PDE4D: variants seen among roughly 807,000 people sequenced by gnomAD.
PDE4D encodes the protein 3',5'-cyclic-AMP phosphodiesterase 4D.
A neutral mutation model predicts 87.4 loss-of-function variants in PDE4D; 24 were observed. The observed-to-expected ratio is 0.27, with a 90% confidence interval of 0.20 to 0.39. The LOEUF is 0.39. PDE4D is among the 10% of genes least tolerant of loss of function. The probability of loss-of-function intolerance (pLI) is 1.00; values close to 1 mark genes in which losing one functional copy is unlikely to be tolerated. For missense variants in PDE4D, 714 were observed against 1,041.0 expected, an observed-to-expected ratio of 0.69 and a Z score of 4.32; for synonymous variants, 384 against 383.2, an observed-to-expected ratio of 1.00 and a Z score of -0.02.
At chr5:59,393,196 C>T (rs548887336) in intron 1 of PDE4D, among the ~76,000 whole-genome samples, 24 of 152,030 alleles carry the variant, frequency 1.6e-4, no homozygotes, top group African/African-American at 5.8e-4. Flanking sequence ...TGAGTGAACC[C>T]AAGCAGAGTT....
intron 1 of PDE4D, among the ~76,000 whole-genome samples, chr5:59,279,667 C>A (rs1184855176): frequency 6.6e-6 from 1 of 152,044 alleles, no homozygotes; most frequent in Non-Finnish European, 1.5e-5. Flanking sequence ...ATCACAACAT[C>A]CCTCCAAAGT....
At chr5:60,071,288 T>C (rs985962779) in intron 2 of PDE4D, among the ~76,000 whole-genome samples, 1 of 152,024 alleles carries the variant, frequency 6.6e-6, no homozygotes, top group Non-Finnish European at 1.5e-5. Context: ...TTAAATTGTT[T>C]AAGATTTTTT....
chr5:60,515,707 G>C (rs1280624321), intron 1 of PDE4D, among the ~76,000 whole-genome samples: 1 of 150,164 alleles, frequency 6.7e-6, no homozygotes, highest in African/African-American at 2.5e-5. Flanking sequence ...TGTGGATAGT[G>C]CGTAAGAACT....
intron 1 of PDE4D, among the ~76,000 whole-genome samples, chr5:59,282,157 T>G (rs1247065980): frequency 2.0e-5 from 3 of 152,178 alleles, no homozygotes; most frequent in Non-Finnish European, 4.4e-5. Context: ...AAATTTATAG[T>G]AGCTTCCTGT....
In PDE4D at chr5:59,916,651, T is replaced by C. The variant is rs558955203; in HGVS notation, c.272+71837A>G. ...AATCACATTGTTGTTTCACCATTAA[T>C]TGTTAACACTGATATGTTTGAAATA... On this transcript the variant is annotated intron_variant, in intron 3 of 16. Coordinates refer to the PDE4D transcript ENST00000502484. Among the ~76,000 whole-genome samples the C allele has an allele frequency of 2.0e-5, 3 of 152,358 alleles. No individual in the cohort carries two copies. The South Asian group carries it at 6.2e-4, about 32-fold the overall frequency.
chr5:60,088,904 T>C (rs1774815528), intron 2 of PDE4D, among the ~76,000 whole-genome samples: 1 of 152,098 alleles, frequency 6.6e-6, no homozygotes, highest in African/African-American at 2.4e-5. Context: ...AGGATCCAAC[T>C]ATATGCTGTC....
intron 1 of PDE4D, among the ~76,000 whole-genome samples, chr5:60,443,441 T>C (rs985210982): frequency 5.3e-5 from 8 of 152,154 alleles, no homozygotes; most frequent in Non-Finnish European, 1.2e-4. Flanking sequence ...AGTTAAAAAG[T>C]TGCTTAGGCA....
intron 2 of PDE4D, among the ~76,000 whole-genome samples, chr5:60,154,340 C>T (rs1184270390): frequency 6.6e-6 from 1 of 151,932 alleles, no homozygotes; most frequent in African/African-American, 2.4e-5. Flanking sequence ...GCAGTGGCAC[C>T]ATCTTGGCTC....
At position 60,474,112 on chromosome 5, in the gene PDE4D, A is replaced by ATATATGTG. The variant is rs1464652064; in HGVS notation, c.-90+13829_-90+13830insCACATATA. 1.5e-3 allele frequency among the ~76,000 whole-genome samples: 109 copies of ATATATGTG among 74,872 alleles called. 2 individuals carry two copies. Among genetic ancestry groups the ATATATGTG allele is most frequent in the South Asian group, 7.9e-3 (18 of 2,286 alleles). 49.1% of individuals were successfully genotyped at this position (74,872 alleles called of 152,430 possible). On this transcript the variant is annotated intron_variant, in intron 1 of 16. Coordinates refer to the PDE4D transcript ENST00000502484. ...TCAGTCCCTTTGAGCTGCCATATAT[A>ATATATGTG]TATATATATATATATATATATATAT...
intron 2 of PDE4D, among the ~76,000 whole-genome samples, chr5:60,042,168 C>T (rs532282119): frequency 6.6e-6 from 1 of 152,258 alleles, no homozygotes; most frequent in African/African-American, 2.4e-5. Context: ...GTTTTCTCCT[C>T]ACAGTGTAAA....
intron 2 of PDE4D, among the ~76,000 whole-genome samples, chr5:59,200,075 G>GTA (rs1554095846): frequency 3.0e-4 from 23 of 77,358 alleles, no homozygotes; most frequent in African/African-American, 9.9e-4. Flanking sequence ...ACACACGTAT[G>GTA]CACACATACA....
At chr5:59,879,414 A>G (rs930094954) in intron 1 of PDE4D, among the ~76,000 whole-genome samples, 2 of 152,124 alleles carry the variant, frequency 1.3e-5, no homozygotes, top group African/African-American at 2.4e-5. Context: ...GAAAATACTA[A>G]CCATTAGATA....
intron 1 of PDE4D, among the ~76,000 whole-genome samples, chr5:59,628,075 A>G (rs1026268888): frequency 2.0e-5 from 3 of 152,244 alleles, no homozygotes; most frequent in African/African-American, 7.2e-5. Flanking sequence ...ATTAAAATAA[A>G]AAATTGCTGC....
chr5:59,302,639 T>A (rs1243645614), intron 1 of PDE4D, among the ~76,000 whole-genome samples: 1 of 152,190 alleles, frequency 6.6e-6, no homozygotes, highest in African/African-American at 2.4e-5. Flanking sequence ...TTTGCTTTTC[T>A]ATTCCTGAGT....
intron 2 of PDE4D, among the ~76,000 whole-genome samples, chr5:60,162,577 G>T (rs970881630): frequency 2.0e-5 from 3 of 152,084 alleles, no homozygotes; most frequent in Admixed American, 2.0e-4. Flanking sequence ...ATTAGTCAGT[G>T]TGGCCTTCAG....
intron 1 of PDE4D, among the ~76,000 whole-genome samples, chr5:59,430,007 C>A (rs1795882280): frequency 6.6e-6 from 1 of 152,206 alleles, no homozygotes; most frequent in Non-Finnish European, 1.5e-5. Context: ...TGGCTAAATC[C>A]TCTTTCAAAT....
intron 1 of PDE4D, among the ~76,000 whole-genome samples, chr5:59,489,863 G>A (rs1053905217): frequency 1.3e-5 from 2 of 152,070 alleles, no homozygotes; most frequent in African/African-American, 4.8e-5. Flanking sequence ...GTTTTCTATA[G>A]AGCACATCTT....
chr5:59,582,294 C>T (rs1824311163), intron 1 of PDE4D, among the ~76,000 whole-genome samples: 1 of 152,116 alleles, frequency 6.6e-6, no homozygotes, highest in Non-Finnish European at 1.5e-5. Flanking sequence ...ATATTGCTCC[C>T]ACCCCCTAAA....
At chr5:59,455,128 G>A (rs1012765783) in intron 1 of PDE4D, among the ~76,000 whole-genome samples, 2 of 152,210 alleles carry the variant, frequency 1.3e-5, no homozygotes, top group African/African-American at 4.8e-5. Flanking sequence ...GCAGAAATCT[G>A]CACAAGTAAC....
Sources: gnomAD v4.1 joint callset for allele counts (sites outside exome capture counted in the v4.1 genomes callset) on GRCh38, gnomAD v4.1.1 for gene constraint, MANE v1.5 for transcripts, NCBI Gene and HGNC (gene_info 2026-07-23, HGNC 2026-07-21) for gene names.